Variants in CNTNAP4 observed in about 807,000 individuals in gnomAD.
CNTNAP4 encodes the protein contactin-associated protein-like 4.
CNTNAP4 carries 98 observed loss-of-function variants against 148.4 expected under a neutral mutation model. That is an observed-to-expected ratio of 0.66 (90% confidence interval 0.56 to 0.78). The LOEUF (loss-of-function observed/expected upper bound fraction) is 0.78, where lower values mean the gene tolerates loss of function less well. Among genes scored for constraint, CNTNAP4 ranks in the 30% least tolerant of loss-of-function variants. The probability of loss-of-function intolerance (pLI) is 0.00; values close to 1 mark genes in which losing one functional copy is unlikely to be tolerated. For missense variants in CNTNAP4, 1,935 were observed against 1,565.6 expected (o/e 1.24, Z -3.98); for synonymous variants, 730 against 565.1 (o/e 1.29, Z -4.14).
At chr16:76,438,055 G>A (rs2079897799) in intron 4 of CNTNAP4, among the ~76,000 whole-genome samples, 1 of 152,082 alleles carries the variant, frequency 6.6e-6, no homozygotes, top group Non-Finnish European at 1.5e-5. Context: ...AGTAAACTTT[G>A]GGAAATCCAC....
intron 21 of CNTNAP4, among the ~76,000 whole-genome samples, chr16:76,549,217 C>T (rs563994877): frequency 6.6e-6 from 1 of 152,046 alleles, no homozygotes. Context: ...TTACAGAGGT[C>T]CCTGGGCCCC....
chr16:76,438,880 C>T (rs1472086832), intron 4 of CNTNAP4, among the ~76,000 whole-genome samples: 1 of 152,170 alleles, frequency 6.6e-6, no homozygotes, highest in Non-Finnish European at 1.5e-5. Flanking sequence ...TAACCCTGTC[C>T]TTTCATTCCA....
chr16:76,453,626 C>G (rs2080607480), intron 8 of CNTNAP4, among the ~76,000 whole-genome samples: 1 of 151,852 alleles, frequency 6.6e-6, no homozygotes, highest in Non-Finnish European at 1.5e-5. Context: ...TACTACTCCT[C>G]TATATTAAGT....
chr16:76,366,770 A>G (rs1039912784), intron 3 of CNTNAP4, among the ~76,000 whole-genome samples: 8 of 152,224 alleles, frequency 5.3e-5, no homozygotes, highest in Non-Finnish European at 1.2e-4. Context: ...CAAAAAATGA[A>G]AAGATATCAA....
chr16:76,497,926 C>T (rs999764221), intron 14 of CNTNAP4, among the ~76,000 whole-genome samples: 3 of 152,014 alleles, frequency 2.0e-5, no homozygotes, highest in African/African-American at 7.2e-5. Context: ...AAATGGTAGA[C>T]CTCAAACTGC....
chr16:76,543,606 A>C (rs2084555729), intron 21 of CNTNAP4, among the ~76,000 whole-genome samples: 1 of 152,226 alleles, frequency 6.6e-6, no homozygotes, highest in Admixed American at 6.5e-5. Flanking sequence ...ACAGAAGCAC[A>C]GAAGTGTCTC....
intron 3 of CNTNAP4, among the ~76,000 whole-genome samples, chr16:76,375,735 T>C (rs2015351170): frequency 6.6e-6 from 1 of 152,114 alleles, no homozygotes; most frequent in African/African-American, 2.4e-5. Flanking sequence ...TGCAGGGAAG[T>C]TTACATTGGC....
chr16:76,381,339 GC>G (rs767561293), intron 3 of CNTNAP4, among the ~76,000 whole-genome samples: 19 of 152,058 alleles, frequency 1.2e-4, no homozygotes, highest in Non-Finnish European at 2.2e-4. Flanking sequence ...GCCTCCCAGT[GC>G]CCCCTCCCAC....
intron 1 of CNTNAP4, among the ~76,000 whole-genome samples, chr16:76,300,425 G>C (rs1165599522): frequency 6.6e-6 from 1 of 152,018 alleles, no homozygotes; most frequent in Non-Finnish European, 1.5e-5. Flanking sequence ...GGGAGAGATA[G>C]CATTAGGAGA....
chr16:76,365,874 A>C (rs2014061540), intron 3 of CNTNAP4, among the ~76,000 whole-genome samples: 1 of 152,104 alleles, frequency 6.6e-6, no homozygotes, highest in South Asian at 2.1e-4. Context: ...CCTAGATATA[A>C]ATAACTACAT....
chr16:76,293,084 T>C (rs1350928776), intron 1 of CNTNAP4, among the ~76,000 whole-genome samples: 5 of 152,216 alleles, frequency 3.3e-5, no homozygotes, highest in Non-Finnish European at 7.3e-5. Context: ...CCCAGCTCTC[T>C]TTATAGTTAT....
At chr16:76,410,853 C>G (rs1013791962) in intron 3 of CNTNAP4, among the ~76,000 whole-genome samples, 15 of 151,554 alleles carry the variant, frequency 9.9e-5, no homozygotes, top group African/African-American at 3.1e-4. Flanking sequence ...TTTGTATTCA[C>G]TAAATCTTAA....
intron 3 of CNTNAP4, among the ~76,000 whole-genome samples, chr16:76,409,975 A>G (rs1349267448): frequency 3.9e-5 from 6 of 151,924 alleles, no homozygotes; most frequent in African/African-American, 1.4e-4. Flanking sequence ...TAATTTGGAT[A>G]TCAGACTTTG....
intron 21 of CNTNAP4, among the ~76,000 whole-genome samples, chr16:76,547,661 A>G (rs968751995): frequency 2.6e-5 from 4 of 152,206 alleles, no homozygotes; most frequent in African/African-American, 9.7e-5. Flanking sequence ...AGTTTTCTAT[A>G]AGCCTGGAGA....
chr16:76,487,850 A>G (rs1031982358), intron 12 of CNTNAP4, among the ~76,000 whole-genome samples: 4 of 152,170 alleles, frequency 2.6e-5, no homozygotes, highest in African/African-American at 9.7e-5. Context: ...ATCTCTTGCA[A>G]CACCTTTAAA....
In CNTNAP4 at chr16:76,476,040, A is replaced by G. The variant is rs1359997219; in HGVS notation, c.1757A>G (p.His586Arg). ...TNTGYRGATCHNSIYEQSCEA... is the reference protein window; with the variant it reads ...TNTGYRGATCRNSIYEQSCEA... ...ACTGGTTACAGAGGAGCTACTTGCC[A>G]TAACTGTAAGCGGAACACATCTGCT... Residue 586 changes from histidine (H) to arginine (R), a missense_variant, in exon 11 of 24, where the codon CAT (histidine) becomes CGT (arginine). By Grantham distance (29) the His-to-Arg change is conservative. Coordinates refer to ENST00000611870, the MANE Select transcript of CNTNAP4 (RefSeq NM_033401.5). The G allele has an allele frequency of 1.1e-5, 17 of 1,609,428 alleles. No individual in the cohort carries two copies. Among genetic ancestry groups the G allele is most frequent in the Middle Eastern group, 1.7e-4 (1 of 6,058 alleles).
intron 12 of CNTNAP4, among the ~76,000 whole-genome samples, chr16:76,481,737 T>C (rs1434227864): frequency 6.6e-6 from 1 of 152,158 alleles, no homozygotes; most frequent in Non-Finnish European, 1.5e-5. Context: ...CAAGGGGAGA[T>C]TTGGTACTTA....
At chr16:76,426,907 T>G (rs886520320) in intron 3 of CNTNAP4, among the ~76,000 whole-genome samples, 3 of 152,210 alleles carry the variant, frequency 2.0e-5, no homozygotes, top group African/African-American at 4.8e-5. Flanking sequence ...TCTGGCATTG[T>G]GCTGCTGAGG....
intron 15 of CNTNAP4, among the ~76,000 whole-genome samples, chr16:76,519,058 G>C (rs4573954): frequency 0.64 from 97,294 of 151,936 alleles, 31,759 homozygotes; most frequent in African/African-American, 0.78. Flanking sequence ...CTTAGCACAG[G>C]GGGTAAAGGG....
Sources: allele counts gnomAD v4.1 joint callset (sites outside exome capture counted in the v4.1 genomes callset), GRCh38; gene constraint gnomAD v4.1.1; transcripts MANE v1.5; gene names NCBI Gene and HGNC (gene_info 2026-07-23, HGNC 2026-07-21).